GPR143: variants seen among roughly 807,000 people sequenced by gnomAD.
GPR143 encodes the protein G-protein coupled receptor 143.
A neutral mutation model predicts 27.6 loss-of-function variants in GPR143; 8 were observed. The ratio of observed to expected loss-of-function variants is 0.29; its 90% confidence interval spans 0.17 to 0.52. GPR143 has a LOEUF of 0.52. Among genes scored for constraint, GPR143 ranks in the 20% least tolerant of loss-of-function variants. GPR143 has a pLI of 0.96. For synonymous variants in GPR143, 156 were observed against 153.2 expected (o/e 1.02, Z -0.13); for missense variants, 303 against 343.1 (o/e 0.88, Z 0.92).
intron 8 of GPR143, among the ~76,000 whole-genome samples, chrX:9,737,775 C>T (rs1316877835): frequency 9.0e-6 from 1 of 111,678 alleles, no homozygotes; most frequent in African/African-American, 3.3e-5. Context: ...TTTGGGAGGC[C>T]GATGCAGGAG....
In GPR143 at chrX:9,759,418, G is replaced by A. The variant is rs1261348910; in HGVS notation, c.369C>T (p.Ile123=). 3.4e-6 allele frequency: 4 copies of A among 1,174,845 alleles called. No homozygotes were observed. Among genetic ancestry groups the A allele is most frequent in the Non-Finnish European group, 4.6e-6 (4 of 867,317 alleles). Residue 123 remains isoleucine (I), a synonymous_variant, in exon 3 of 9, where the codon ATC becomes ATT. Coordinates refer to ENST00000467482, the MANE Select transcript of GPR143 (RefSeq NM_000273.3). ...AGAAGCAGGCACTGTACAACAGCTG[G>A]ATCCACATCTGCAATCGGGAAGAGC... ...AAFCVGSAMW[I]QLLYSACFWW...
intron 5 of GPR143, among the ~76,000 whole-genome samples, chrX:9,745,212 G>A (rs922915756): frequency 8.9e-6 from 1 of 112,933 alleles, no homozygotes; most frequent in South Asian, 3.6e-4. Flanking sequence ...CCGAGATCAC[G>A]CCACTGCACT....
chrX:9,751,349 G>A (rs1014139845), intron 3 of GPR143, among the ~76,000 whole-genome samples: 2 of 112,473 alleles, frequency 1.8e-5, no homozygotes, highest in African/African-American at 6.5e-5. Context: ...CCAGCATCCT[G>A]TGCTCAGGGA....
upstream of GPR143, among the ~76,000 whole-genome samples, chrX:9,769,127 T>C (rs1263100161): frequency 8.9e-6 from 1 of 112,123 alleles, no homozygotes; most frequent in African/African-American, 3.2e-5. Flanking sequence ...CTTTGAGGTA[T>C]GTGTGCAGAA....
intron 8 of GPR143, among the ~76,000 whole-genome samples, chrX:9,730,481 C>T (rs1296494574): frequency 8.9e-6 from 1 of 111,998 alleles, no homozygotes; most frequent in Non-Finnish European, 1.9e-5. Context: ...AAGGTAACAG[C>T]AGACCACTGA....
chrX:9,757,083 T>C (rs1351160765), intron 3 of GPR143, among the ~76,000 whole-genome samples: 1 of 112,624 alleles, frequency 8.9e-6, no homozygotes, highest in Non-Finnish European at 1.9e-5. Context: ...AAAGGGGTTG[T>C]TTTAGTCCAT....
chrX:9,776,720 T>G (rs2083572008), intron 1 of GPR143, among the ~76,000 whole-genome samples: 2 of 108,352 alleles, frequency 1.8e-5, no homozygotes, highest in South Asian at 8.1e-4. Flanking sequence ...TTTTATTTTA[T>G]TTTTGAGACA....
At chrX:9,764,504 GCACACACA>G (rs201690882) in intron 1 of GPR143, among the ~76,000 whole-genome samples, 4,988 of 99,036 alleles carry the variant, frequency 0.05, 352 homozygotes, top group African/African-American at 0.17. Flanking sequence ...TTACACACGC[GCACACACA>G]CACACACACA....
chrX:9,768,825 A>G (rs999818705), upstream of GPR143, among the ~76,000 whole-genome samples: 5 of 110,997 alleles, frequency 4.5e-5, no homozygotes, highest in Admixed American at 4.8e-4. Context: ...CCACAGGCAC[A>G]TGCCATCACA....
chrX:9,777,791 T>TAA (rs35241287), intron 1 of GPR143, among the ~76,000 whole-genome samples: 3,684 of 95,548 alleles, frequency 0.039, 186 homozygotes, highest in African/African-American at 0.13. Flanking sequence ...TCCATCTCTT[T>TAA]AAAAAAAAAA....
chrX:9,734,390 T>C (rs190039726), intron 8 of GPR143, among the ~76,000 whole-genome samples: 2 of 109,568 alleles, frequency 1.8e-5, no homozygotes, highest in East Asian at 5.8e-4. Flanking sequence ...TTGTGGAGAG[T>C]AGAGAGGATT....
intron 8 of GPR143, among the ~76,000 whole-genome samples, chrX:9,727,418 A>G (rs768473766): frequency 8.9e-6 from 1 of 112,952 alleles, no homozygotes; most frequent in South Asian, 3.6e-4. Context: ...GCATGGGACA[A>G]GAACTTGAGA....
At chrX:9,763,739 C>G (rs2083513856) in intron 1 of GPR143, among the ~76,000 whole-genome samples, 1 of 111,816 alleles carries the variant, frequency 8.9e-6, no homozygotes, top group African/African-American at 3.2e-5. Flanking sequence ...ACAGAATGGC[C>G]AAATCTAGCT....
chrX:9,742,385 C>T (rs770501336), intron 6 of GPR143, among the ~76,000 whole-genome samples: 13 of 111,442 alleles, frequency 1.2e-4, no homozygotes, highest in Non-Finnish European at 2.4e-4. Flanking sequence ...CCTCCTGCCT[C>T]AGCCTCCCGA....
intron 2 of GPR143, 43 bp from the exon 3 acceptor site, chrX:9,759,469 T>G (rs1170335224): frequency 2.2e-6 from 2 of 925,244 alleles, no homozygotes; most frequent in Non-Finnish European, 3.1e-6. Flanking sequence ...TGGAAACAGG[T>G]ACAAGAAGCC....
chrX:9,773,737 G>A (rs1028212907), intron 1 of GPR143, among the ~76,000 whole-genome samples: 1 of 107,646 alleles, frequency 9.3e-6, no homozygotes, highest in Non-Finnish European at 1.9e-5. Context: ...GGTGGTGCAC[G>A]CCTGTGGTCC....
intron 8 of GPR143, among the ~76,000 whole-genome samples, chrX:9,734,080 C>CAAA (rs34722888): frequency 0.018 from 1,061 of 57,738 alleles, 12 homozygotes; most frequent in African/African-American, 0.03. Context: ...AACTCTGTCT[C>CAAA]AAAAAAAAAA....
At chrX:9,755,227 G>A (rs2083468434) in intron 3 of GPR143, among the ~76,000 whole-genome samples, 1 of 111,249 alleles carries the variant, frequency 9.0e-6, no homozygotes, top group East Asian at 2.8e-4. Context: ...AGACCAGCCT[G>A]ACCAACATGG....
intron 2 of GPR143, among the ~76,000 whole-genome samples, chrX:9,760,417 G>GT (rs1316058099): frequency 1.8e-5 from 2 of 111,932 alleles, no homozygotes; most frequent in Non-Finnish European, 3.8e-5. Context: ...ATATATTTAT[G>GT]TATATATTTA....
Sources: gnomAD v4.1 joint callset for allele counts (sites outside exome capture counted in the v4.1 genomes callset) on GRCh38, gnomAD v4.1.1 for gene constraint, MANE v1.5 for transcripts, NCBI Gene and HGNC (gene_info 2026-07-23, HGNC 2026-07-21) for gene names.